Variants in IPO11 observed in about 807,000 individuals in gnomAD.
The protein encoded by IPO11 is importin 11.
A neutral mutation model predicts 143.2 loss-of-function variants in IPO11; 66 were observed. The observed-to-expected ratio is 0.46, with a 90% confidence interval of 0.38 to 0.57. The LOEUF is 0.57. IPO11 is among the 20% of genes least tolerant of loss of function. The pLI is 0.00. For synonymous variants in IPO11, 385 were observed against 377.8 expected (o/e 1.02, Z -0.22); for missense variants, 1,026 against 1,141.0 (o/e 0.90, Z 1.45).
intron 16 of IPO11, among the ~76,000 whole-genome samples, chr5:62,499,893 A>G (rs1269067854): frequency 1.3e-5 from 2 of 152,164 alleles, no homozygotes; most frequent in Non-Finnish European, 2.9e-5. Flanking sequence ...CAGGGTTAGG[A>G]TCATCAATAT....
Position 62,601,821 on chromosome 5 carries a change from C to T in IPO11, c.2736C>T (p.Pro912=). ...EPKVTEDEEP[P]TEQDKRKKML... is the part of the protein sequence containing the mutation. The stretch of plus-strand genomic sequence containing the variant: ...AAGTAACAGAAGATGAAGAACCACC[C>T]ACAGAACAAGATAAGAGGAAAAAGA... The change falls in exon 29 of 30, where the codon CCC becomes CCT. Residue 912 remains proline, a synonymous_variant. Transcript: ENST00000325324. 1.3e-6 allele frequency: 2 copies of T among 1,593,874 alleles called. No homozygotes were observed. Among genetic ancestry groups the T allele is most frequent in the Non-Finnish European group, 1.7e-6 (2 of 1,169,302 alleles).
rs75364979 is a variant in IPO11, at chr5:62,499,069, G to A, written c.1590+4945G>A. On this transcript the variant is annotated intron_variant, in intron 16 of 29. Transcript: ENST00000325324. ...TTGCTTGTGAAGCAAAGAAATGGCCGTCTTCATGGGCACGTTGACTACCAA... is the reference window on the plus strand; with the variant it reads ...TTGCTTGTGAAGCAAAGAAATGGCCATCTTCATGGGCACGTTGACTACCAA... Among the ~76,000 whole-genome samples, 1,237 of 152,236 alleles carry A rather than the reference G, an allele frequency of 8.1e-3. 13 individuals carry two copies. Among genetic ancestry groups the A allele is most frequent in the African/African-American group, 0.028 (1,159 of 41,536 alleles).
chr5:62,516,606 G>A (rs1383675187), intron 20 of IPO11, among the ~76,000 whole-genome samples: 6 of 151,960 alleles, frequency 3.9e-5, no homozygotes, highest in Admixed American at 6.6e-5. Context: ...TCCGTAAATG[G>A]TTATGGATGA....
intron 28 of IPO11, among the ~76,000 whole-genome samples, chr5:62,595,040 GGGGTA>G (rs1256079273): frequency 6.6e-6 from 1 of 152,208 alleles, no homozygotes; most frequent in Non-Finnish European, 1.5e-5. Context: ...GACGACAGAA[GGGGTA>G]GATGCTGGTG....
Position 62,539,311 on chromosome 5 carries a change from C to T in IPO11, c.2250+2022C>T, listed in dbSNP as rs141176168. 4.6e-3 allele frequency among the ~76,000 whole-genome samples: 707 copies of T among 152,258 alleles called. 1 individual carries two copies. The highest frequency in any genetic ancestry group is 8.4e-3 in the Non-Finnish European group (568 of 68,016). ...TTTTGCGTTCCTTGGTTTGTAGATA[C>T]GTAATCCTGCCATCTGTGCTTCCGC... is the stretch of plus-strand genomic sequence containing the variant. On this transcript the variant is annotated intron_variant, in intron 24 of 29. Transcript: ENST00000325324.
rs961558874 is a variant in IPO11 at position 62,443,034 on chromosome 5, C to T, written c.190C>T (p.Leu64=). 3 of 1,612,550 alleles carry T rather than the reference C, an allele frequency of 1.9e-6. No individual in the cohort carries two copies. The highest frequency in any genetic ancestry group is 2.5e-6 in the Non-Finnish European group (3 of 1,179,192). The part of the protein sequence containing the change: ...LDINVRWLAV[L]YFKHGIDRYW... Reference sequence around the variant, plus strand: ...TATAAATGTAAGGTGGCTTGCTGTACTGTATTTTAAACATGGAATTGATCG... The same window carrying T: ...TATAAATGTAAGGTGGCTTGCTGTATTGTATTTTAAACATGGAATTGATCG... The change falls in exon 3 of 30, where the codon CTG becomes TTG. Residue 64 remains leucine, a synonymous_variant. Coordinates refer to ENST00000325324, the MANE Select transcript of IPO11 (RefSeq NM_016338.5).
chr5:62,547,986 A>G (rs906864180), intron 24 of IPO11, among the ~76,000 whole-genome samples: 11 of 151,498 alleles, frequency 7.3e-5, no homozygotes, highest in Admixed American at 3.3e-4. Context: ...CTTGTAGCCA[A>G]TTGATTCTTT....
chr5:62,478,018 A>G (rs546805340), intron 9 of IPO11, among the ~76,000 whole-genome samples: 6 of 152,170 alleles, frequency 3.9e-5, no homozygotes, highest in Non-Finnish European at 7.4e-5. Flanking sequence ...ACAATTATCA[A>G]CATATGGCCA....
At chr5:62,452,542 G>C (rs960955074) in intron 5 of IPO11, among the ~76,000 whole-genome samples, 7 of 150,908 alleles carry the variant, frequency 4.6e-5, no homozygotes, top group African/African-American at 1.7e-4. Context: ...ACATTTAGGA[G>C]GAGAATTGAT....
chr5:62,565,047 T>G (rs1743887298), intron 27 of IPO11, among the ~76,000 whole-genome samples: 1 of 152,210 alleles, frequency 6.6e-6, no homozygotes. Flanking sequence ...ATAGATGGAA[T>G]TAGCTGTCCT....
intron 9 of IPO11, among the ~76,000 whole-genome samples, chr5:62,480,991 C>G (rs962329998): frequency 7.4e-6 from 1 of 135,826 alleles, no homozygotes; most frequent in Non-Finnish European, 1.5e-5. Context: ...TCTTGGGTCA[C>G]TGCAAGCTCT....
intron 7 of IPO11, among the ~76,000 whole-genome samples, chr5:62,472,689 A>T (rs1460867841): frequency 6.6e-6 from 1 of 151,942 alleles, no homozygotes; most frequent in Non-Finnish European, 1.5e-5. Flanking sequence ...CACCATGCCC[A>T]GCTAAGTTTT....
At chr5:62,425,724 A>C (rs936010760) in intron 1 of IPO11, among the ~76,000 whole-genome samples, 1 of 152,252 alleles carries the variant, frequency 6.6e-6, no homozygotes, top group Admixed American at 6.5e-5. Context: ...AGACTTAGAA[A>C]TGAAAGTAAA....
chr5:62,487,733 A>G (rs771229799), intron 12 of IPO11, 38 bp from the exon 13 acceptor site: 1 of 1,519,100 alleles, frequency 6.6e-7, no homozygotes, highest in Admixed American at 2.2e-5. Flanking sequence ...ATAGTATGCA[A>G]CTGTTTTGAT....
chr5:62,563,779 CAAAA>C (rs1260041738), intron 27 of IPO11, among the ~76,000 whole-genome samples: 1 of 151,828 alleles, frequency 6.6e-6, no homozygotes. Flanking sequence ...TTCTGGCACT[CAAAA>C]AAATCTCAGA....
chr5:62,443,462 A>G (rs895034300), intron 3 of IPO11, among the ~76,000 whole-genome samples: 3 of 150,556 alleles, frequency 2.0e-5, no homozygotes, highest in African/African-American at 7.3e-5. Flanking sequence ...TCTGCTTGCA[A>G]GGATCATGCT....
chr5:62,614,214 G>A (rs1472951996), intron 29 of IPO11, among the ~76,000 whole-genome samples: 1 of 152,216 alleles, frequency 6.6e-6, no homozygotes, highest in Non-Finnish European at 1.5e-5. Context: ...AACTTAACAA[G>A]AGTTGATTTC....
chr5:62,519,209 C>CT (rs1450579206), intron 20 of IPO11, among the ~76,000 whole-genome samples: 8 of 151,920 alleles, frequency 5.3e-5, no homozygotes, highest in Non-Finnish European at 8.8e-5. Flanking sequence ...GTAAAACTAC[C>CT]TAAGCATTAG....
chr5:62,492,940 A>G (rs551689656), intron 15 of IPO11, among the ~76,000 whole-genome samples: 1 of 152,302 alleles, frequency 6.6e-6, no homozygotes, highest in South Asian at 2.1e-4. Context: ...ATACCCAGAA[A>G]TATTTATCAT....
Sources: allele counts gnomAD v4.1 joint callset (sites outside exome capture counted in the v4.1 genomes callset), GRCh38; gene constraint gnomAD v4.1.1; transcripts MANE v1.5; gene names NCBI Gene and HGNC (gene_info 2026-07-23, HGNC 2026-07-21).